The following VEPH1 variants were observed in gnomAD, a reference collection of about 807,000 sequenced individuals.
The protein encoded by VEPH1 is ventricular zone-expressed PH domain-containing protein homolog 1.
VEPH1 carries 80 observed loss-of-function variants against 85.2 expected under a neutral mutation model. The ratio of observed to expected loss-of-function variants is 0.94; its 90% confidence interval spans 0.78 to 1.13. The LOEUF is 1.13. Among genes scored for constraint, VEPH1 ranks in the 50% most tolerant of loss-of-function variants. VEPH1 has a pLI of 0.00. For synonymous variants in VEPH1, 297 were observed against 348.0 expected (o/e 0.85, Z 1.63); for missense variants, 955 against 980.5 (o/e 0.97, Z 0.35).
In VEPH1 at chr3:157,381,319, A is replaced by T. The variant is rs1331837044; in HGVS notation, c.964T>A (p.Ser322Thr). The change falls in exon 7 of 14, where the codon TCG (serine) becomes ACG (threonine). Residue 322 changes from serine (S) to threonine (T), a missense_variant. Coordinates refer to ENST00000362010, the MANE Select transcript of VEPH1 (RefSeq NM_001167912.2). ...LVSQLANMEH[S>T]FHHILLLEIK... ...TCCAGCAGGAGAATATGGTGAAACGAATGCTCCATGTTGGCCAGTTGGCTC... is the reference window on the plus strand; with the variant it reads ...TCCAGCAGGAGAATATGGTGAAACGTATGCTCCATGTTGGCCAGTTGGCTC... 1 of 1,614,206 alleles carries T rather than the reference A, an allele frequency of 6.2e-7. No individual in the cohort carries two copies. Among genetic ancestry groups the T allele is most frequent in the South Asian group, 1.1e-5 (1 of 91,088 alleles).
At chr3:157,405,788 A>C (rs1731098172) in intron 6 of VEPH1, among the ~76,000 whole-genome samples, 1 of 152,198 alleles carries the variant, frequency 6.6e-6, no homozygotes, top group South Asian at 2.1e-4. Context: ...AGTAACAGCA[A>C]GTACCAAATT....
At chr3:157,496,142 C>T (rs1016838991) in intron 1 of VEPH1, among the ~76,000 whole-genome samples, 3 of 152,166 alleles carry the variant, frequency 2.0e-5, no homozygotes, top group African/African-American at 4.8e-5. Context: ...TGAAGATGAA[C>T]TTTAACACTG....
rs1577597238 is a variant in VEPH1, at chr3:157,413,972, A to G, written c.815T>C (p.Phe272Ser). The G allele has an allele frequency of 6.2e-7, 1 of 1,613,630 alleles. No homozygotes were observed. Among genetic ancestry groups the G allele is most frequent in the Non-Finnish European group, 8.5e-7 (1 of 1,179,738 alleles). The part of the protein sequence containing the change: ...AVYEPVALNS[F>S]LPMLKEIGER... Reference sequence around the variant, plus strand: ...ACCAATCTCTTTCAGCATTGGAAGAAAACTGTTCAAAGCCACTGGCTCATA... The same window carrying G: ...ACCAATCTCTTTCAGCATTGGAAGAGAACTGTTCAAAGCCACTGGCTCATA... Residue 272 changes from phenylalanine to serine, a missense_variant, in exon 6 of 14, where the codon TTT becomes TCT. Coordinates refer to ENST00000362010, the MANE Select transcript of VEPH1 (RefSeq NM_001167912.2).
Position 157,269,826 on chromosome 3 carries a change from CAT to C in VEPH1, c.2129-4166_2129-4165del, listed in dbSNP as rs575811126. On this transcript the variant is annotated intron_variant, in intron 12 of 13. Coordinates refer to ENST00000362010, the MANE Select transcript of VEPH1 (RefSeq NM_001167912.2). Reference sequence around the variant, plus strand: ...TCATCATATTCCATTTGAAAAATAACATGTGGAATGATCTACGAGGGTATGAT... The same window carrying C: ...TCATCATATTCCATTTGAAAAATAACGTGGAATGATCTACGAGGGTATGAT... Among the ~76,000 whole-genome samples the C allele has an allele frequency of 1.8e-3, 273 of 152,024 alleles. 2 individuals are homozygous for C. Among genetic ancestry groups the C allele is most frequent in the Middle Eastern group, 0.017 (5 of 294 alleles).
rs186296453 is a variant in VEPH1 at position 157,458,196 on chromosome 3, G to A, written c.529+1985C>T. ...TGATGGTTGTTTGTATTTCTGTGGG[G>A]TCAATAGTAATATCACCTTGTTGTT... On this transcript the variant is annotated intron_variant, in intron 4 of 13. Coordinates refer to ENST00000362010, the MANE Select transcript of VEPH1 (RefSeq NM_001167912.2). 3.3e-3 allele frequency among the ~76,000 whole-genome samples: 504 copies of A among 152,186 alleles called. 5 individuals carry two copies. The highest frequency in any genetic ancestry group is 0.012 in the African/African-American group (489 of 41,538).
chr3:157,474,010 C>T (rs1164610124), intron 2 of VEPH1, among the ~76,000 whole-genome samples: 2 of 152,180 alleles, frequency 1.3e-5, no homozygotes, highest in East Asian at 3.9e-4. Flanking sequence ...TAAGGTGCTG[C>T]TAAATTCTGT....
intron 5 of VEPH1, among the ~76,000 whole-genome samples, chr3:157,418,816 A>C (rs1385429841): frequency 6.6e-6 from 1 of 152,234 alleles, no homozygotes; most frequent in East Asian, 1.9e-4. Context: ...CCTTCACAGA[A>C]TTAGAAAAGA....
chr3:157,286,800 G>A (rs1716839720), intron 11 of VEPH1, 126 bp from the exon 12 acceptor site: 1 of 755,048 alleles, frequency 1.3e-6, no homozygotes, highest in Non-Finnish European at 2.2e-6. Context: ...AAGACTAAGA[G>A]GCAGCATTGA....
intron 11 of VEPH1, among the ~76,000 whole-genome samples, chr3:157,294,481 C>G (rs1351370916): frequency 2.0e-5 from 3 of 152,188 alleles, no homozygotes; most frequent in Non-Finnish European, 2.9e-5. Context: ...GCATATTTAG[C>G]TAACTGTTGC....
intron 6 of VEPH1, among the ~76,000 whole-genome samples, chr3:157,398,906 G>A (rs564143245): frequency 5.3e-5 from 8 of 151,980 alleles, no homozygotes; most frequent in Admixed American, 1.3e-4. Context: ...CTCAACAAAT[G>A]GGCCAGCACA....
rs1299101189 is a variant in VEPH1 at position 157,459,753 on chromosome 3, C to T, written c.529+428G>A. On this transcript the variant is annotated intron_variant, in intron 4 of 13. Coordinates refer to ENST00000362010, the MANE Select transcript of VEPH1 (RefSeq NM_001167912.2). ...CATGTTCACATTTAAGAAGTCATTA[C>T]ACATTTTCTGATGTATTTTATCTAA... The T allele has an allele frequency of 2.8e-6, 4 of 1,441,734 alleles. No homozygotes were observed. In the Admixed American group the frequency reaches 1.1e-4, roughly 39 times the overall value. 89.3% of individuals were successfully genotyped at this position (1,441,734 alleles called of 1,614,324 possible). A position where few individuals can be genotyped will look rare whatever the true frequency, so the allele number is the denominator to read the frequency against.
At chr3:157,304,340 TTA>T (rs1054047905) in intron 11 of VEPH1, among the ~76,000 whole-genome samples, 2 of 152,116 alleles carry the variant, frequency 1.3e-5, no homozygotes, top group African/African-American at 2.4e-5. Context: ...GTAGTTTATT[TTA>T]TTTTATTTTT....
At chr3:157,486,514 T>C (rs1738666720) in intron 2 of VEPH1, among the ~76,000 whole-genome samples, 1 of 151,326 alleles carries the variant, frequency 6.6e-6, no homozygotes, top group Non-Finnish European at 1.5e-5. Context: ...GCAGCATAGT[T>C]TGGTGGCTAA....
chr3:157,358,350 C>T (rs1725671501), intron 9 of VEPH1, among the ~76,000 whole-genome samples: 1 of 152,112 alleles, frequency 6.6e-6, no homozygotes, highest in Non-Finnish European at 1.5e-5. Flanking sequence ...AAGAGACCAC[C>T]TTAATGAATG....
At chr3:157,286,424 A>AG in intron 12 of VEPH1, 133 bp downstream of exon 12, 1 of 744,316 alleles carries the variant, frequency 1.3e-6, no homozygotes. Flanking sequence ...AGCACAAAGC[A>AG]GGGACATGAC....
chr3:157,318,413 GC>G (rs1357218748), intron 9 of VEPH1, among the ~76,000 whole-genome samples: 1 of 151,982 alleles, frequency 6.6e-6, no homozygotes, highest in Non-Finnish European at 1.5e-5. Flanking sequence ...TTTGAAACCA[GC>G]CCGGACAACA....
At chr3:157,412,709 A>C (rs1322663005) in intron 6 of VEPH1, among the ~76,000 whole-genome samples, 1 of 152,152 alleles carries the variant, frequency 6.6e-6, no homozygotes, top group South Asian at 2.1e-4. Context: ...TACACCAGAG[A>C]AATCCCCTTT....
chr3:157,291,721 T>C (rs1034196065), intron 11 of VEPH1, among the ~76,000 whole-genome samples: 5 of 152,268 alleles, frequency 3.3e-5, no homozygotes, highest in African/African-American at 7.2e-5. Context: ...CCATGAAGAC[T>C]GACTTCCATA....
At chr3:157,491,670 G>C (rs993160938) in intron 2 of VEPH1, among the ~76,000 whole-genome samples, 3 of 152,102 alleles carry the variant, frequency 2.0e-5, no homozygotes, top group Non-Finnish European at 4.4e-5. Flanking sequence ...CCACAAAGCT[G>C]AAAGTGCTAA....
Sources: gnomAD v4.1 joint callset for allele counts (sites outside exome capture counted in the v4.1 genomes callset) on GRCh38, gnomAD v4.1.1 for gene constraint, MANE v1.5 for transcripts, NCBI Gene and HGNC (gene_info 2026-07-23, HGNC 2026-07-21) for gene names.